C6orf89: variants seen among roughly 807,000 people sequenced by gnomAD.
C6orf89 encodes bombesin receptor-activated protein C6orf89.
C6orf89 carries 29 observed loss-of-function variants against 40.7 expected under a neutral mutation model. That is an observed-to-expected ratio of 0.71 (90% CI 0.53 to 0.97). The LOEUF is 0.97. Ranked by LOEUF, C6orf89 falls within the 50% of genes least tolerant of loss-of-function variation. C6orf89 has a pLI of 0.00. For missense variants in C6orf89, 392 were observed against 429.1 expected (o/e 0.91, Z 0.76); for synonymous variants, 165 against 152.2 (o/e 1.08, Z -0.62).
upstream of C6orf89, among the ~76,000 whole-genome samples, chr6:36,885,260 A>G (rs115690542): frequency 2.0e-3 from 312 of 152,336 alleles, 4 homozygotes; most frequent in African/African-American, 7.0e-3. Flanking sequence ...TGAATGTTCA[A>G]TCTGCGTTCA....
At chr6:36,917,805 C>CA (rs1762378587) in intron 7 of C6orf89, among the ~76,000 whole-genome samples, 1 of 140,670 alleles carries the variant, frequency 7.1e-6, no homozygotes, top group Non-Finnish European at 1.6e-5. Flanking sequence ...TTCTGGGACA[C>CA]GGCTTTATCT....
At chr6:36,889,938 AT>A (rs1237341424) in intron 1 of C6orf89, among the ~76,000 whole-genome samples, 2 of 152,242 alleles carry the variant, frequency 1.3e-5, no homozygotes, top group Non-Finnish European at 2.9e-5. Flanking sequence ...ATATAGCCAA[AT>A]GTAAACAACT....
intron 2 of C6orf89, among the ~76,000 whole-genome samples, chr6:36,898,400 C>T (rs936892828): frequency 7.9e-5 from 12 of 151,794 alleles, no homozygotes; most frequent in African/African-American, 2.7e-4. Flanking sequence ...CTGCCTCAGC[C>T]GCCCGAGTAG....
At chr6:36,886,131 A>G (rs1774975856) in intron 1 of C6orf89, 103 bp downstream of exon 1, 4 of 1,020,502 alleles carry the variant, frequency 3.9e-6, no homozygotes, top group Admixed American at 4.3e-5. Context: ...CGCCGCTGCT[A>G]CCACCCTCTA....
upstream of C6orf89, among the ~76,000 whole-genome samples, chr6:36,883,988 G>T (rs6912891): frequency 0.3 from 46,014 of 152,144 alleles, 7,753 homozygotes; most frequent in Non-Finnish European, 0.37. Context: ...CTGGCCGGGC[G>T]TGATGGCTGA....
chr6:36,906,052 T>C (rs763856648), intron 4 of C6orf89, among the ~76,000 whole-genome samples: 1 of 152,222 alleles, frequency 6.6e-6, no homozygotes, highest in Non-Finnish European at 1.5e-5. Flanking sequence ...AAATAACATA[T>C]TCATTTCTAC....
chr6:36,920,568 T>C (rs1350463991), intron 8 of C6orf89, among the ~76,000 whole-genome samples: 2 of 152,146 alleles, frequency 1.3e-5, no homozygotes, highest in Non-Finnish European at 2.9e-5. Flanking sequence ...CATATGAGGG[T>C]AGGAATTGGA....
At chr6:36,902,459 T>C (rs375725272) in intron 4 of C6orf89, 25 bp downstream of exon 4, 5 of 1,598,768 alleles carry the variant, frequency 3.1e-6, no homozygotes, top group South Asian at 2.2e-5. Flanking sequence ...TTATTACTTA[T>C]TAGATATAGT....
In C6orf89 at chr6:36,915,274, G is replaced by A. The variant is rs971573157; in HGVS notation, c.695+581G>A. Among the ~76,000 whole-genome samples, 3 of 152,186 alleles carry A rather than the reference G, an allele frequency of 2.0e-5. No individual in the cohort carries two copies. The South Asian group carries it at 6.2e-4, about 32-fold the overall frequency. On this transcript the variant is annotated intron_variant, in intron 6 of 8. Transcript: ENST00000480824. ...CATTTAGCATTTTATGTAGAATGGG[G>A]CCTCATGCAGGGGGCTGAAGAGAGA...
chr6:36,897,487 T>C (rs1261564343), intron 2 of C6orf89, among the ~76,000 whole-genome samples: 2 of 152,252 alleles, frequency 1.3e-5, no homozygotes, highest in Non-Finnish European at 2.9e-5. Flanking sequence ...AAGTCTCAAC[T>C]GTAGTTTGTA....
intron 7 of C6orf89, among the ~76,000 whole-genome samples, chr6:36,917,139 C>T (rs1294784500): frequency 6.6e-6 from 1 of 152,182 alleles, no homozygotes; most frequent in Non-Finnish European, 1.5e-5. Flanking sequence ...AACTGAGTCC[C>T]AGAGAGATTA....
Position 36,886,957 on chromosome 6 carries a change from G to A in C6orf89, c.-120+929G>A, listed in dbSNP as rs987491686. Among the ~76,000 whole-genome samples, 31 of 152,192 alleles carry A rather than the reference G, an allele frequency of 2.0e-4. 1 individual carries two copies. The highest frequency in any genetic ancestry group is 2.0e-3 in the Admixed American group (31 of 15,274). The stretch of plus-strand genomic sequence containing the variant: ...CATACCAGAAAGAGGTCCTGTTTCT[G>A]TCAGACCTTTTCTGCCTTGGACTGA... On this transcript the variant is annotated intron_variant, in intron 1 of 8. Coordinates refer to ENST00000480824, the MANE Select transcript of C6orf89 (RefSeq NM_001286635.2).
At chr6:36,920,648 A>T (rs1258502501) in intron 8 of C6orf89, among the ~76,000 whole-genome samples, 1 of 152,246 alleles carries the variant, frequency 6.6e-6, no homozygotes, top group African/African-American at 2.4e-5. Flanking sequence ...AAAAATAAAA[A>T]TAAGGTACAA....
At chr6:36,888,967 C>A (rs2150678259) in intron 1 of C6orf89, among the ~76,000 whole-genome samples, 1 of 152,232 alleles carries the variant, frequency 6.6e-6, no homozygotes, top group South Asian at 2.1e-4. Flanking sequence ...ACATTACATA[C>A]AGGGAGCTAT....
intron 3 of C6orf89, among the ~76,000 whole-genome samples, chr6:36,901,482 C>G (rs1761712341): frequency 6.8e-6 from 1 of 146,950 alleles, no homozygotes; most frequent in South Asian, 2.1e-4. Context: ...CTACAGGCGC[C>G]CATCACCACA....
chr6:36,887,175 C>T (rs555868226), intron 1 of C6orf89, among the ~76,000 whole-genome samples: 3 of 151,232 alleles, frequency 2.0e-5, no homozygotes, highest in South Asian at 2.1e-4. Context: ...AGTGCAGTGG[C>T]GTGATCTCTG....
intron 1 of C6orf89, among the ~76,000 whole-genome samples, chr6:36,887,067 A>G (rs1351134093): frequency 6.6e-6 from 1 of 152,014 alleles, no homozygotes; most frequent in Non-Finnish European, 1.5e-5. Context: ...CTAGATTCCT[A>G]ACCTGCTAAC....
intron 7 of C6orf89, among the ~76,000 whole-genome samples, chr6:36,918,176 G>A (rs772542329): frequency 1.6e-4 from 25 of 152,216 alleles, no homozygotes; most frequent in Non-Finnish European, 2.9e-4. Context: ...TTGTTAAGTG[G>A]CACTCGGGGA....
chr6:36,904,463 T>C (rs1761851334), intron 4 of C6orf89, among the ~76,000 whole-genome samples: 1 of 152,186 alleles, frequency 6.6e-6, no homozygotes, highest in Non-Finnish European at 1.5e-5. Flanking sequence ...AATGTGGATG[T>C]GGAAGCACCA....
Sources: allele counts gnomAD v4.1 joint callset (sites outside exome capture counted in the v4.1 genomes callset), GRCh38; gene constraint gnomAD v4.1.1; transcripts MANE v1.5; gene names NCBI Gene and HGNC (gene_info 2026-07-23, HGNC 2026-07-21).